Variants in NUP133 observed in about 807,000 individuals in gnomAD.
NUP133 encodes the protein nucleoporin 133, also known as nuclear pore complex protein Nup133.
A neutral mutation model predicts 146.2 loss-of-function variants in NUP133; 66 were observed. The observed-to-expected ratio is 0.45, with a 90% CI of 0.37 to 0.55. The LOEUF (loss-of-function observed/expected upper bound fraction) is 0.55, where lower values mean the gene tolerates loss of function less well. NUP133 is among the 20% of genes least tolerant of loss of function. The pLI is 0.00. For missense variants in NUP133, 1,277 were observed against 1,374.8 expected (o/e 0.93, Z 1.12); for synonymous variants, 521 against 498.8 (o/e 1.04, Z -0.59).
intron 14 of NUP133, among the ~76,000 whole-genome samples, chr1:229,473,220 CCA>C (rs1037066382): frequency 4.6e-5 from 7 of 152,070 alleles, no homozygotes; most frequent in Non-Finnish European, 1.0e-4. Context: ...CCACTGCACT[CCA>C]CCTTGGGCAA....
intron 14 of NUP133, among the ~76,000 whole-genome samples, chr1:229,471,031 C>G (rs959856768): frequency 6.6e-6 from 1 of 152,150 alleles, no homozygotes; most frequent in African/African-American, 2.4e-5. Context: ...AGAACAGGGT[C>G]ACTCCAGGGC....
intron 10 of NUP133, 74 bp from the exon 11 acceptor site, chr1:229,486,602 A>T: frequency 2.9e-6 from 4 of 1,397,874 alleles, no homozygotes; most frequent in South Asian, 1.3e-5. Flanking sequence ...TACCACCCTA[A>T]GCAGAAAATC....
chr1:229,502,715 T>C (rs1012414741), intron 2 of NUP133, among the ~76,000 whole-genome samples: 1 of 151,468 alleles, frequency 6.6e-6, no homozygotes, highest in Non-Finnish European at 1.5e-5. Context: ...TGGCTCATGC[T>C]TATAAATCCC....
intron 21 of NUP133, among the ~76,000 whole-genome samples, chr1:229,453,263 TA>T (rs1176486843): frequency 6.6e-6 from 1 of 152,166 alleles, no homozygotes; most frequent in Non-Finnish European, 1.5e-5. Context: ...TTCCATTTTT[TA>T]AAAAATAATG....
chr1:229,442,652 T>G (rs1351293864), intron 25 of NUP133, among the ~76,000 whole-genome samples: 1 of 151,724 alleles, frequency 6.6e-6, no homozygotes, highest in East Asian at 1.9e-4. Flanking sequence ...TACCATAAGA[T>G]TCTCAAAATC....
In NUP133 at chr1:229,488,126, G is replaced by GTACAGGCT. The variant is rs1661407800; in HGVS notation, c.1195-514_1195-513insAGCCTGTA. Among the ~76,000 whole-genome samples, 9 of 152,078 alleles carry GTACAGGCT rather than the reference G, an allele frequency of 5.9e-5. No individual in the cohort carries two copies. In the South Asian group the frequency reaches 1.9e-3, roughly 31 times the overall value. On this transcript the variant is annotated intron_variant, in intron 9 of 25. Coordinates refer to ENST00000261396, the MANE Select transcript of NUP133 (RefSeq NM_018230.3). ...CTCCCAAAGTGCTGGGATTACAGGC[G>GTACAGGCT]TGAGCCACCGCACCTGGCCTAAATT... is the stretch of plus-strand genomic sequence containing the variant.
intron 24 of NUP133, among the ~76,000 whole-genome samples, chr1:229,445,567 T>C (rs1398379235): frequency 6.6e-6 from 1 of 152,186 alleles, no homozygotes; most frequent in Admixed American, 6.5e-5. Flanking sequence ...AATCCTCCTG[T>C]CTTGGCCTCC....
chr1:229,458,609 A>T (rs1660619992), intron 20 of NUP133, among the ~76,000 whole-genome samples: 1 of 152,214 alleles, frequency 6.6e-6, no homozygotes, highest in African/African-American at 2.4e-5. Flanking sequence ...CATAATTTGA[A>T]TATTACAACA....
At chr1:229,467,105 T>C (rs1257161084) in intron 15 of NUP133, among the ~76,000 whole-genome samples, 1 of 152,210 alleles carries the variant, frequency 6.6e-6, no homozygotes, top group Non-Finnish European at 1.5e-5. Context: ...ACTAATGAAC[T>C]AATAGACTAA....
intron 11 of NUP133, 130 bp from the exon 12 acceptor site, chr1:229,484,275 CA>C (rs1661292494): frequency 3.8e-6 from 2 of 532,574 alleles, no homozygotes; most frequent in South Asian, 3.5e-5. Flanking sequence ...TTGTCTGTAC[CA>C]GGGGTGTCCA....
chr1:229,468,348 T>C (rs1350731392), intron 15 of NUP133, among the ~76,000 whole-genome samples: 20 of 152,316 alleles, frequency 1.3e-4, no homozygotes, highest in Middle Eastern at 6.8e-3. Flanking sequence ...AAAACTACTA[T>C]ATGCATATAG....
Position 229,452,599 on chromosome 1 carries a change from G to T in NUP133, c.3025C>A (p.Pro1009Thr), listed in dbSNP as rs749544779. 9 of 1,613,762 alleles carry T rather than the reference G, an allele frequency of 5.6e-6. No individual in the cohort carries two copies. In the East Asian group the frequency reaches 2.0e-4, roughly 36 times the overall value. Residue 1009 changes from proline to threonine, a missense_variant, in exon 22 of 26, where the codon CCT (proline) becomes ACT (threonine). Around this residue, in one of 3 missense-constraint regions of NUP133, gnomAD observed 952 missense variants for 1,047.0 expected, o/e 0.91. Transcript: ENST00000261396. ...TGTTTCTCCGCCAGCAGCTGTTCAGGTAGGGTCTCCTGATGCAGTAGAAAG... is the reference window on the plus strand; with the variant it reads ...TGTTTCTCCGCCAGCAGCTGTTCAGTTAGGGTCTCCTGATGCAGTAGAAAG... ...ERFLLHQETLPEQLLAEKQLN... is the reference protein window; with the variant it reads ...ERFLLHQETLTEQLLAEKQLN...
intron 4 of NUP133, 23 bp from the exon 5 acceptor site, chr1:229,499,841 C>G (rs1402304974): frequency 6.2e-7 from 1 of 1,605,022 alleles, no homozygotes; most frequent in South Asian, 1.1e-5. Context: ...TCACAACAAT[C>G]AGCAATCACA....
At chr1:229,475,122 AAAAC>A (rs201426964) in intron 14 of NUP133, among the ~76,000 whole-genome samples, 2,555 of 151,860 alleles carry the variant, frequency 0.017, 28 homozygotes, top group Non-Finnish European at 0.026. Context: ...ATAAATAAAT[AAAAC>A]AAACAAACAA....
intron 25 of NUP133, among the ~76,000 whole-genome samples, chr1:229,443,971 G>C (rs1418155452): frequency 1.3e-5 from 2 of 148,874 alleles, no homozygotes; most frequent in East Asian, 3.9e-4. Flanking sequence ...GAACTACTGG[G>C]CTCAAGTGAT....
chr1:229,476,096 A>G lies in NUP133; in HGVS notation c.1757-364T>C, dbSNP rs547028960. On this transcript the variant is annotated intron_variant, in intron 13 of 25. Transcript: ENST00000261396. Reference sequence around the variant, plus strand: ...TGCATTCCAGCCTGGCGACAGAGCGAGACTCGGTCTCAAAAAAGAAAAGGG... The same window carrying G: ...TGCATTCCAGCCTGGCGACAGAGCGGGACTCGGTCTCAAAAAAGAAAAGGG... Among the ~76,000 whole-genome samples the G allele has an allele frequency of 7.9e-5, 12 of 151,928 alleles. No individual in the cohort carries two copies. In the South Asian group the frequency reaches 2.3e-3, roughly 29 times the overall value.
chr1:229,460,561 A>G lies in NUP133; in HGVS notation c.2844+50T>C, dbSNP rs1459795917. On this transcript the variant is annotated intron_variant, in intron 20 of 25. Transcript: ENST00000261396. ...ATTACTAAAAACAAAACTAATTAAA[A>G]CTACCTAAATAAATTGCACACATCT... is the stretch of plus-strand genomic sequence containing the variant. 4 of 1,550,050 alleles carry G rather than the reference A, an allele frequency of 2.6e-6. No individual in the cohort carries two copies. In the East Asian group the frequency reaches 9.0e-5, roughly 35 times the overall value.
At position 229,484,163 on chromosome 1, in the gene NUP133, AT is replaced by A; in HGVS notation, c.1501-19del. 1 of 1,574,822 alleles carries A rather than the reference AT, an allele frequency of 6.3e-7. No homozygotes were observed. The highest frequency in any genetic ancestry group is 1.7e-5 in the Admixed American group (1 of 59,208). ...ATCATACTCTGCAAAATAACAAAGT[AT>A]AGTTTAGAGGTAAAGGCATCTGAAT... On this transcript the variant is annotated intron_variant, in intron 11 of 25. Coordinates refer to ENST00000261396, the MANE Select transcript of NUP133 (RefSeq NM_018230.3).
intron 23 of NUP133, among the ~76,000 whole-genome samples, chr1:229,449,964 C>T (rs2102747961): frequency 6.9e-6 from 1 of 144,258 alleles, no homozygotes; most frequent in South Asian, 2.2e-4. Context: ...ACTGCAACCT[C>T]TGCCTCCTGG....
Sources: allele counts gnomAD v4.1 joint callset (sites outside exome capture counted in the v4.1 genomes callset), GRCh38; gene constraint gnomAD v4.1.1; regional missense constraint gnomAD v4.1.1; transcripts MANE v1.5; gene names NCBI Gene and HGNC (gene_info 2026-07-23, HGNC 2026-07-21).